Variants in LCLAT1 observed in about 807,000 individuals in gnomAD.
LCLAT1 encodes the protein 1-AGP acyltransferase 8.
LCLAT1 carries 11 observed loss-of-function variants against 30.7 expected under a neutral mutation model. The observed-to-expected ratio is 0.36, with a 90% CI of 0.23 to 0.59. LCLAT1 has a LOEUF of 0.59. Among genes scored for constraint, LCLAT1 ranks in the 20% least tolerant of loss-of-function variants. The pLI is 0.77. For synonymous variants in LCLAT1, 155 were observed against 151.3 expected (o/e 1.02, Z -0.18); for missense variants, 402 against 458.6 (o/e 0.88, Z 1.13).
chr2:30,566,100 C>T (rs1481874003), intron 4 of LCLAT1, among the ~76,000 whole-genome samples: 4 of 152,136 alleles, frequency 2.6e-5, no homozygotes, highest in African/African-American at 7.2e-5. Flanking sequence ...AGTGCAATAA[C>T]AGAGTCTGGG....
At chr2:30,574,365 C>T (rs1279069434) in intron 5 of LCLAT1, among the ~76,000 whole-genome samples, 5 of 152,070 alleles carry the variant, frequency 3.3e-5, no homozygotes, top group African/African-American at 9.7e-5. Context: ...TTTATAAGAT[C>T]AAAGCAAGCC....
chr2:30,510,749 C>T (rs1684902137), intron 1 of LCLAT1, among the ~76,000 whole-genome samples: 1 of 152,006 alleles, frequency 6.6e-6, no homozygotes, highest in African/African-American at 2.4e-5. Flanking sequence ...TATATTCTTT[C>T]TGCTTTCCAT....
At chr2:30,638,933 T>C (rs1164005576) in intron 5 of LCLAT1, among the ~76,000 whole-genome samples, 3 of 151,896 alleles carry the variant, frequency 2.0e-5, no homozygotes, top group African/African-American at 7.3e-5. Context: ...GCCTGCTGTA[T>C]TGTAGTAGCC....
intron 2 of LCLAT1, 77 bp downstream of exon 2, chr2:30,525,832 A>G (rs1316548105): frequency 1.6e-6 from 2 of 1,258,172 alleles, no homozygotes; most frequent in Middle Eastern, 1.9e-4. Flanking sequence ...AAATCCATGG[A>G]TGTTCAAGTC....
chr2:30,478,878 G>A (rs1332643257), intron 1 of LCLAT1, among the ~76,000 whole-genome samples: 1 of 152,150 alleles, frequency 6.6e-6, no homozygotes, highest in Non-Finnish European at 1.5e-5. Context: ...AGATGGACTT[G>A]CTGACTTGTG....
chr2:30,507,252 T>G (rs1684711087), intron 1 of LCLAT1, among the ~76,000 whole-genome samples: 1 of 152,180 alleles, frequency 6.6e-6, no homozygotes, highest in Admixed American at 6.5e-5. Flanking sequence ...GCTTTTCTAG[T>G]AGAGTATTTG....
chr2:30,595,448 A>G (rs752533336), intron 5 of LCLAT1, among the ~76,000 whole-genome samples: 1 of 152,090 alleles, frequency 6.6e-6, no homozygotes, highest in Non-Finnish European at 1.5e-5. Context: ...ATTCTGCTCA[A>G]CTTGGATTCT....
At chr2:30,594,487 GGTTT>G (rs1666841801) in intron 5 of LCLAT1, among the ~76,000 whole-genome samples, 2 of 151,742 alleles carry the variant, frequency 1.3e-5, no homozygotes, top group Non-Finnish European at 2.9e-5. Context: ...CTTCTTTTTT[GGTTT>G]GTTTTCTTAA....
At chr2:30,613,113 G>T (rs1247844640) in intron 5 of LCLAT1, among the ~76,000 whole-genome samples, 1 of 152,104 alleles carries the variant, frequency 6.6e-6, no homozygotes, top group African/African-American at 2.4e-5. Flanking sequence ...GTTCAAAGAA[G>T]AACAAGAGAT....
rs189740571 is a variant in LCLAT1, at chr2:30,610,184, A to G, written c.629-29933A>G. On this transcript the variant is annotated intron_variant, in intron 5 of 5. Coordinates refer to ENST00000379509, the MANE Select transcript of LCLAT1 (RefSeq NM_001002257.3). ...TAATTTTTTCGTTCCTTCTTTAGTA[A>G]TTGCATTTTTTTTTTTAGGTTTCCT... 2.7e-3 allele frequency among the ~76,000 whole-genome samples: 412 copies of G among 151,646 alleles called. 2 individuals are homozygous for G. Among genetic ancestry groups the G allele is most frequent in the Admixed American group, 5.8e-3 (89 of 15,250 alleles).
At chr2:30,540,073 A>G (rs1289070630) in intron 3 of LCLAT1, among the ~76,000 whole-genome samples, 2 of 152,244 alleles carry the variant, frequency 1.3e-5, no homozygotes, top group Non-Finnish European at 1.5e-5. Context: ...AAAGAGTTGT[A>G]TACAGAAAAT....
intron 3 of LCLAT1, among the ~76,000 whole-genome samples, chr2:30,557,075 C>T (rs1052348579): frequency 1.3e-5 from 2 of 152,044 alleles, no homozygotes; most frequent in African/African-American, 2.4e-5. Flanking sequence ...GACATTGTTA[C>T]CACATCCATG....
At position 30,643,823 on chromosome 2, in the gene LCLAT1, TTAGG is replaced by T. The variant is rs1669433977; in HGVS notation, c.*3207_*3210del. On this transcript the variant is annotated 3_prime_UTR_variant, in exon 6 of 6. Coordinates refer to ENST00000379509, the MANE Select transcript of LCLAT1 (RefSeq NM_001002257.3). Reference sequence around the variant, plus strand: ...GATTCTGTAGTATGTAGTGTGTTTCTTAGGTAAAGTCTCTTTTTGCTACTGAAAG... The same window carrying T: ...GATTCTGTAGTATGTAGTGTGTTTCTTAAAGTCTCTTTTTGCTACTGAAAG... 6.6e-6 allele frequency: 1 copy of T among 152,654 alleles called. No homozygotes were observed. Among genetic ancestry groups the T allele is most frequent in the South Asian group, 2.1e-4 (1 of 4,836 alleles). The allele number at this position is 152,654 out of a possible 1,614,324, so 9.5% of individuals were successfully genotyped here.
In LCLAT1 at chr2:30,525,692, A is replaced by G; in HGVS notation, c.102A>G (p.Val34=). The G allele has an allele frequency of 6.2e-7, 1 of 1,614,104 alleles. No homozygotes were observed. The highest frequency in any genetic ancestry group is 1.3e-5 in the African/African-American group (1 of 75,016). Residue 34 remains valine, a synonymous_variant, in exon 2 of 6, where the codon GTA becomes GTG. Coordinates refer to ENST00000379509, the MANE Select transcript of LCLAT1 (RefSeq NM_001002257.3). ...GTCCCTTTTTACCTTTGATGTTTGTAAACCCATCTTGGTATCGCTGGATCA... is the reference window on the plus strand; with the variant it reads ...GTCCCTTTTTACCTTTGATGTTTGTGAACCCATCTTGGTATCGCTGGATCA... ...MLSPFLPLMF[V]NPSWYRWINN...
At chr2:30,550,791 C>G (rs576138381) in intron 3 of LCLAT1, among the ~76,000 whole-genome samples, 1 of 152,146 alleles carries the variant, frequency 6.6e-6, no homozygotes, top group Non-Finnish European at 1.5e-5. Context: ...AGCTCTACTT[C>G]CTGGAGTGCA....
At chr2:30,623,426 A>G (rs924809345) in intron 5 of LCLAT1, among the ~76,000 whole-genome samples, 18 of 152,164 alleles carry the variant, frequency 1.2e-4, no homozygotes, top group African/African-American at 4.3e-4. Flanking sequence ...TAGATAAAAA[A>G]CAACTTCTGG....
At chr2:30,625,235 C>T (rs1164442005) in intron 5 of LCLAT1, among the ~76,000 whole-genome samples, 1 of 152,118 alleles carries the variant, frequency 6.6e-6, no homozygotes, top group African/African-American at 2.4e-5. Flanking sequence ...GAACCAAGAT[C>T]AGAGCAGAAC....
intron 3 of LCLAT1, among the ~76,000 whole-genome samples, chr2:30,535,887 A>G (rs1267563656): frequency 6.6e-6 from 1 of 152,154 alleles, no homozygotes; most frequent in African/African-American, 2.4e-5. Flanking sequence ...GCAAAATACA[A>G]GAGAACACAG....
intron 5 of LCLAT1, among the ~76,000 whole-genome samples, chr2:30,626,478 G>A (rs574654224): frequency 1.6e-4 from 24 of 152,154 alleles, no homozygotes; most frequent in African/African-American, 5.1e-4. Context: ...TCATGTTTTC[G>A]TAATCCTTTA....
Sources: allele counts gnomAD v4.1 joint callset (sites outside exome capture counted in the v4.1 genomes callset), GRCh38; gene constraint gnomAD v4.1.1; transcripts MANE v1.5; gene names NCBI Gene and HGNC (gene_info 2026-07-23, HGNC 2026-07-21).